Variants in RAD23B observed in about 807,000 individuals in gnomAD.
The protein encoded by RAD23B is lysine-specific demethylase RAD23B.
In RAD23B, 5 loss-of-function variants were observed where a neutral mutation model predicts 49.1. The observed-to-expected ratio is 0.10, with a 90% CI of 0.05 to 0.21. The LOEUF (loss-of-function observed/expected upper bound fraction) is 0.21. Ranked by LOEUF, RAD23B falls within the 10% of genes least tolerant of loss-of-function variation. The probability of loss-of-function intolerance (pLI) is 1.00; values close to 1 mark genes in which losing one functional copy is unlikely to be tolerated. For missense variants in RAD23B, 356 were observed against 486.7 expected (o/e 0.73, Z 2.53); for synonymous variants, 184 against 165.4 (o/e 1.11, Z -0.86).
At chr9:107,321,234 T>C (rs1480697080) in intron 6 of RAD23B, among the ~76,000 whole-genome samples, 1 of 151,012 alleles carries the variant, frequency 6.6e-6, no homozygotes, top group East Asian at 2.0e-4. Flanking sequence ...TGAGATACTT[T>C]ATCTCATTTT....
Position 107,324,020 on chromosome 9 carries a change from G to A in RAD23B, c.945+3G>A, listed in dbSNP as rs566231852. 5.3e-4 allele frequency: 857 copies of A among 1,613,080 alleles called. 9 individuals are homozygous for A. The South Asian group carries it at 8.9e-3, about 17-fold the overall frequency. On this transcript the variant is annotated splice_donor_region_variant and intron_variant, in intron 8 of 9. Transcript: ENST00000358015. Reference sequence around the variant, plus strand: ...GAGAGAATCCTCAATTACTTCAGGTGACTAATCAGTGTCAGTTTCACAAGT... The same window carrying A: ...GAGAGAATCCTCAATTACTTCAGGTAACTAATCAGTGTCAGTTTCACAAGT...
chr9:107,302,250 G>T (rs1484977245), intron 3 of RAD23B, 136 bp downstream of exon 3: 1 of 1,196,240 alleles, frequency 8.4e-7, no homozygotes, highest in African/African-American at 1.6e-5. Context: ...AGGTTTTTAA[G>T]AATTTACCTT....
Position 107,283,307 on chromosome 9 carries a change from G to A in RAD23B, c.-323G>A, listed in dbSNP as rs1206809327. ...TCACGATGATGGCGGCCACCATCCT[G>A]TGGTGAGCTAGCGGATTCCCTGCTT... is the stretch of plus-strand genomic sequence containing the variant. On this transcript the variant is annotated 5_prime_UTR_variant, in exon 1 of 10. It adds an upstream start codon to the 5' untranslated region. Transcript: ENST00000358015. The A allele has an allele frequency of 2.4e-6, 1 of 413,538 alleles. No homozygotes were observed. Among genetic ancestry groups the A allele is most frequent in the African/African-American group, 2.0e-5 (1 of 48,804 alleles). 25.6% of individuals were successfully genotyped at this position (413,538 alleles called of 1,614,324 possible).
At chr9:107,286,362 A>G (rs1833272561) in intron 1 of RAD23B, among the ~76,000 whole-genome samples, 1 of 152,236 alleles carries the variant, frequency 6.6e-6, no homozygotes, top group African/African-American at 2.4e-5. Context: ...GTCAAAGCTC[A>G]TTGGCTATAG....
At chr9:107,298,641 A>G (rs959244970) in intron 1 of RAD23B, among the ~76,000 whole-genome samples, 27 of 151,496 alleles carry the variant, frequency 1.8e-4, no homozygotes, top group Admixed American at 3.3e-4. Flanking sequence ...CAATGTACTT[A>G]CATTTATTAA....
intron 1 of RAD23B, among the ~76,000 whole-genome samples, chr9:107,299,468 T>G (rs977585558): frequency 6.6e-6 from 1 of 152,216 alleles, no homozygotes; most frequent in African/African-American, 2.4e-5. Flanking sequence ...ATGAAGAGAC[T>G]ATAAAGGTCA....
At chr9:107,319,314 G>A (rs1156526698) in intron 6 of RAD23B, among the ~76,000 whole-genome samples, 3 of 151,502 alleles carry the variant, frequency 2.0e-5, no homozygotes, top group Admixed American at 1.3e-4. Flanking sequence ...TGTATTTTTA[G>A]TAAGATGGGA....
chr9:107,330,505 T>C lies in RAD23B; in HGVS notation c.*849T>C, dbSNP rs916639237. 1 of 152,634 alleles carries C rather than the reference T, an allele frequency of 6.6e-6. No homozygotes were observed. The highest frequency in any genetic ancestry group is 1.5e-5 in the Non-Finnish European group (1 of 68,046). The allele number at this position is 152,634 out of a possible 1,614,324, so 9.5% of individuals were successfully genotyped here. A position where few individuals can be genotyped will look rare whatever the true frequency, so the allele number is the denominator to read the frequency against. On this transcript the variant is annotated 3_prime_UTR_variant, in exon 10 of 10. Transcript: ENST00000358015. The surrounding 1 kb of genome is among the most constrained non-coding windows in gnomAD (Gnocchi z 4.4). ...GTGAAATTAGCACTTTTGGGGCCAA[T>C]GGAGAAATGCAGCATTCACTCTCCC...
chr9:107,287,671 C>G (rs1437148157), intron 1 of RAD23B, among the ~76,000 whole-genome samples: 1 of 151,870 alleles, frequency 6.6e-6, no homozygotes, highest in African/African-American at 2.4e-5. Context: ...CTGGTCTCTA[C>G]TAAAAATAGA....
At chr9:107,294,631 G>A (rs1345826177) in intron 1 of RAD23B, among the ~76,000 whole-genome samples, 2 of 152,182 alleles carry the variant, frequency 1.3e-5, no homozygotes, top group African/African-American at 4.8e-5. Flanking sequence ...GGTTGGATTA[G>A]GGATGATTTA....
intron 1 of RAD23B, among the ~76,000 whole-genome samples, chr9:107,293,143 A>G (rs1833417541): frequency 6.6e-6 from 1 of 151,740 alleles, no homozygotes; most frequent in Non-Finnish European, 1.5e-5. Context: ...GATCCTCCCC[A>G]TATGTCCTCA....
intron 5 of RAD23B, among the ~76,000 whole-genome samples, chr9:107,312,012 T>G (rs1826898426): frequency 2.0e-5 from 3 of 152,244 alleles, no homozygotes. Flanking sequence ...GATCCTAACA[T>G]GGTTGATCTG....
chr9:107,322,132 T>A lies in RAD23B; in HGVS notation c.817+14T>A. The stretch of plus-strand genomic sequence containing the variant: ...CAAGTTCTGGAGGTAAAGCGGAATC[T>A]TCTGGATGGGGAGGGAATGGCCCTG... On this transcript the variant is annotated intron_variant, in intron 7 of 9. Coordinates refer to ENST00000358015, the MANE Select transcript of RAD23B (RefSeq NM_002874.5). The A allele has an allele frequency of 6.3e-7, 1 of 1,581,362 alleles. No homozygotes were observed. Among genetic ancestry groups the A allele is most frequent in the East Asian group, 2.3e-5 (1 of 43,776 alleles).
intron 1 of RAD23B, among the ~76,000 whole-genome samples, chr9:107,296,521 A>AT (rs199986475): frequency 0.015 from 2,298 of 151,112 alleles, 26 homozygotes; most frequent in Non-Finnish European, 0.023. Context: ...CATTTGTCCA[A>AT]TTTTTTTATT....
In RAD23B at chr9:107,325,313, C is replaced by CAAAAAAAAA. The variant is rs34042765; in HGVS notation, c.1116+329_1116+337dup. 9.8e-4 allele frequency among the ~76,000 whole-genome samples: 60 copies of CAAAAAAAAA among 61,384 alleles called. 1 individual carries two copies. Among genetic ancestry groups the CAAAAAAAAA allele is most frequent in the African/African-American group, 3.4e-3 (51 of 15,216 alleles). 40.3% of individuals were successfully genotyped at this position (61,384 alleles called of 152,430 possible). A position where few individuals can be genotyped will look rare whatever the true frequency, so the allele number is the denominator to read the frequency against. Reference sequence around the variant, plus strand: ...TGGGCAACAGAGTGAGACTCTGTCTCAAAAAAAAAAAAAAAAAAAAAAAAA... The same window carrying CAAAAAAAAA: ...TGGGCAACAGAGTGAGACTCTGTCTCAAAAAAAAAAAAAAAAAAAAAAAAAAAAAAAAAA... On this transcript the variant is annotated intron_variant, in intron 9 of 9. Transcript: ENST00000358015.
chr9:107,322,139 T>TG, intron 7 of RAD23B, 21 bp downstream of exon 7: 1 of 1,573,822 alleles, frequency 6.4e-7, no homozygotes, highest in Non-Finnish European at 8.6e-7. Context: ...ATCTTCTGGA[T>TG]GGGGAGGGAA....
intron 1 of RAD23B, among the ~76,000 whole-genome samples, chr9:107,285,880 GT>G: frequency 6.6e-6 from 1 of 152,266 alleles, no homozygotes; most frequent in Admixed American, 6.5e-5. Flanking sequence ...CATGACAACT[GT>G]TTCAATTCTA....
chr9:107,289,002 T>C (rs915405290), intron 1 of RAD23B, among the ~76,000 whole-genome samples: 5 of 151,694 alleles, frequency 3.3e-5, no homozygotes, highest in African/African-American at 1.2e-4. Context: ...TGTTTCTTTG[T>C]CTCTGTCTCT....
chr9:107,332,111 G>T lies in RAD23B; in HGVS notation c.*2455G>T. 4.7e-6 allele frequency: 1 copy of T among 212,274 alleles called. No individual in the cohort carries two copies. The highest frequency in any genetic ancestry group is 9.2e-6 in the Non-Finnish European group (1 of 108,442). The allele number at this position is 212,274 out of a possible 1,614,324, so 13.1% of individuals were successfully genotyped here. ...ATTTTTTTTCATTGTTTAAAAATACGGAAGTGTTCCAATATAATTTTTTCC... is the reference window on the plus strand; with the variant it reads ...ATTTTTTTTCATTGTTTAAAAATACTGAAGTGTTCCAATATAATTTTTTCC... On this transcript the variant is annotated 3_prime_UTR_variant, in exon 10 of 10. Transcript: ENST00000358015.
Sources: allele counts gnomAD v4.1 joint callset (sites outside exome capture counted in the v4.1 genomes callset), GRCh38; gene constraint gnomAD v4.1.1; non-coding constraint Gnocchi (gnomAD v3.1); transcripts MANE v1.5; gene names NCBI Gene and HGNC (gene_info 2026-07-23, HGNC 2026-07-21).